The following FKBP9 variants were observed in gnomAD, a reference collection of about 807,000 sequenced individuals.
FKBP9 encodes the protein FKBP prolyl isomerase 9.
Under a neutral mutation model 55.6 loss-of-function variants are expected in FKBP9, and 27 were observed. That is an observed-to-expected ratio of 0.49 (90% CI 0.36 to 0.67). The LOEUF is 0.67. Among genes scored for constraint, FKBP9 ranks in the 30% least tolerant of loss-of-function variants. The pLI is 0.00. For synonymous variants in FKBP9, 267 were observed against 296.5 expected (o/e 0.90, Z 1.02); for missense variants, 539 against 742.8 (o/e 0.73, Z 3.19).
Position 33,005,988 on chromosome 7 carries a change from C to A in FKBP9, c.*637C>A, listed in dbSNP as rs1301952733. The A allele has an allele frequency of 2.6e-5, 6 of 230,798 alleles. No homozygotes were observed. Among genetic ancestry groups the A allele is most frequent in the Non-Finnish European group, 4.3e-5 (5 of 116,730 alleles). The allele number at this position is 230,798 out of a possible 1,614,324, so 14.3% of individuals were successfully genotyped here. ...GTGTATAACTTGGAGGTTAAAAGAG[C>A]CTTTTGGACAGAAAACTGGGCCAGG... is the stretch of plus-strand genomic sequence containing the variant. On this transcript the variant is annotated 3_prime_UTR_variant, in exon 10 of 10. Coordinates refer to ENST00000242209, the MANE Select transcript of FKBP9 (RefSeq NM_007270.5).
chr7:32,957,935 C>G (rs1783938125), intron 1 of FKBP9, 141 bp downstream of exon 1: 1 of 684,814 alleles, frequency 1.5e-6, no homozygotes, highest in Non-Finnish European at 2.2e-6. Flanking sequence ...CAGATCCTCC[C>G]GGACCCCAGA....
At chr7:32,988,462 G>A (rs768528117) in intron 5 of FKBP9, 45 bp from the exon 6 acceptor site, 63 of 1,607,478 alleles carry the variant, frequency 3.9e-5, no homozygotes, top group Non-Finnish European at 5.1e-5. Flanking sequence ...AGCTGCTGTG[G>A]AGGCCCTCAT....
rs141942176 is a variant in FKBP9 at position 32,973,299 on chromosome 7, T to C, written c.222-1318T>C. 3.7e-3 allele frequency among the ~76,000 whole-genome samples: 557 copies of C among 152,260 alleles called. 3 individuals carry two copies. Among genetic ancestry groups the C allele is most frequent in the African/African-American group, 0.012 (491 of 41,534 alleles). ...ACAGCCATGATTTCCTTATTTATCT[T>C]TTGATCTAAGGCTGTTGCCTATCAG... On this transcript the variant is annotated intron_variant, in intron 1 of 9. Transcript: ENST00000242209.
At position 33,005,367 on chromosome 7, in the gene FKBP9, G is replaced by C; in HGVS notation, c.*16G>C. 1 of 1,613,918 alleles carries C rather than the reference G, an allele frequency of 6.2e-7. No individual in the cohort carries two copies. Among genetic ancestry groups the C allele is most frequent in the Non-Finnish European group, 8.5e-7 (1 of 1,179,846 alleles). ...TGAACTCTAAACCTGGCATGAACCA[G>C]ATGGTGCCAGGGAGTACGTGACACC... On this transcript the variant is annotated 3_prime_UTR_variant, in exon 10 of 10. Transcript: ENST00000242209.
intron 1 of FKBP9, among the ~76,000 whole-genome samples, chr7:32,968,636 G>T (rs1784195198): frequency 6.6e-6 from 1 of 150,596 alleles, no homozygotes; most frequent in African/African-American, 2.4e-5. Flanking sequence ...GCAATGGTGT[G>T]ATCTTAGCTC....
At chr7:32,984,016 T>G (rs1367530556) in intron 5 of FKBP9, among the ~76,000 whole-genome samples, 1 of 152,220 alleles carries the variant, frequency 6.6e-6, no homozygotes, top group Admixed American at 6.5e-5. Flanking sequence ...TTGTTAATTT[T>G]GGTTATGTTG....
chr7:32,978,595 C>G (rs981215605), intron 4 of FKBP9, among the ~76,000 whole-genome samples: 3 of 151,972 alleles, frequency 2.0e-5, no homozygotes, highest in African/African-American at 7.3e-5. Context: ...TGGACTCAAG[C>G]GATCCTCCCA....
intron 1 of FKBP9, among the ~76,000 whole-genome samples, chr7:32,970,235 C>T (rs1478632629): frequency 1.3e-5 from 2 of 151,890 alleles, no homozygotes; most frequent in Non-Finnish European, 2.9e-5. Context: ...CTCGCTCTGT[C>T]GCCCAGACTG....
Position 32,974,675 on chromosome 7 carries a change from A to G in FKBP9, c.280A>G (p.Met94Val). Residue 94 changes from methionine (M) to valine (V), a missense_variant, in exon 2 of 10, where the codon ATG becomes GTG. Physicochemically the swap from Met to Val is conservative, Grantham distance 21. This residue lies in a region of FKBP9 where 236 missense variants were observed against 271.5 expected (regional missense o/e 0.87). Transcript: ENST00000242209. ...FVGKGQLITG[M>V]DQALVGMCVN... is the part of the protein sequence containing the mutation. The stretch of plus-strand genomic sequence containing the variant: ...GGGAAAAGGACAGCTGATCACAGGG[A>G]TGGACCAGGCTCTTGTTGGGATGTG... 1 of 1,613,932 alleles carries G rather than the reference A, an allele frequency of 6.2e-7. No homozygotes were observed. The highest frequency in any genetic ancestry group is 8.5e-7 in the Non-Finnish European group (1 of 1,179,824).
chr7:32,958,153 G>C (rs1037771730), intron 1 of FKBP9, among the ~76,000 whole-genome samples: 2 of 152,160 alleles, frequency 1.3e-5, no homozygotes, highest in Non-Finnish European at 2.9e-5. Context: ...GTGGATGTTC[G>C]TGCCTGCCTC....
intron 1 of FKBP9, among the ~76,000 whole-genome samples, chr7:32,966,170 G>C (rs1158046099): frequency 2.8e-5 from 3 of 108,626 alleles, no homozygotes; most frequent in Non-Finnish European, 5.7e-5. Flanking sequence ...TCCAGCCTTG[G>C]TGACAGTGAG....
chr7:32,967,349 A>T (rs1388692390), intron 1 of FKBP9, among the ~76,000 whole-genome samples: 2 of 152,366 alleles, frequency 1.3e-5, no homozygotes, highest in East Asian at 3.9e-4. Context: ...TGCAAAATTG[A>T]AACTTTGTGC....
chr7:32,968,293 A>G (rs1784186165), intron 1 of FKBP9, among the ~76,000 whole-genome samples: 1 of 152,230 alleles, frequency 6.6e-6, no homozygotes, highest in Non-Finnish European at 1.5e-5. Context: ...ACCTTGGATT[A>G]CAGGCATGAG....
At chr7:32,991,279 G>A (rs1215317549) in intron 6 of FKBP9, among the ~76,000 whole-genome samples, 2 of 152,066 alleles carry the variant, frequency 1.3e-5, no homozygotes, top group Admixed American at 6.5e-5. Context: ...CCGAAGGCTC[G>A]TAAATTTTCT....
Position 32,957,729 on chromosome 7 carries a change from C to T in FKBP9, c.156C>T (p.Arg52=). The T allele has an allele frequency of 6.6e-7, 1 of 1,524,194 alleles. No homozygotes were observed. 94.4% of individuals were successfully genotyped at this position (1,524,194 alleles called of 1,614,324 possible). Residue 52 remains arginine, a synonymous_variant, in exon 1 of 10, where the codon CGC becomes CGT. Transcript: ENST00000242209. ...FVPDECPRTV[R]SGDFVRYHYV... is the part of the protein sequence containing the mutation. ...CCGACGAGTGCCCGCGCACCGTGCG[C>T]AGCGGCGACTTCGTGCGCTACCACT...
chr7:32,968,253 C>G (rs1056257087), intron 1 of FKBP9, among the ~76,000 whole-genome samples: 16 of 152,206 alleles, frequency 1.1e-4, no homozygotes, highest in African/African-American at 3.9e-4. Flanking sequence ...GTTGCCTAGG[C>G]TGGTCTTGAA....
intron 1 of FKBP9, among the ~76,000 whole-genome samples, chr7:32,973,518 T>C (rs1784290634): frequency 1.3e-5 from 2 of 151,632 alleles, no homozygotes; most frequent in Admixed American, 6.6e-5. Flanking sequence ...TTTAAGTATG[T>C]TTTATGCTGT....
In FKBP9 at chr7:33,004,652, G is replaced by A. The variant is rs558412972; in HGVS notation, c.1537-523G>A. On this transcript the variant is annotated intron_variant, in intron 9 of 9. Coordinates refer to ENST00000242209, the MANE Select transcript of FKBP9 (RefSeq NM_007270.5). ...CTCCGCTTTTTGATTTTTTTCTGGA[G>A]CATTTCACTTTGTAACTTAATGTGT... is the stretch of plus-strand genomic sequence containing the variant. Among the ~76,000 whole-genome samples, 14 of 152,202 alleles carry A rather than the reference G, an allele frequency of 9.2e-5. No homozygotes were observed. In the South Asian group the frequency reaches 1.2e-3, roughly 14 times the overall value.
At chr7:32,991,076 C>T (rs1784672320) in intron 6 of FKBP9, among the ~76,000 whole-genome samples, 1 of 152,194 alleles carries the variant, frequency 6.6e-6, no homozygotes, top group South Asian at 2.1e-4. Context: ...TACTTCTAGT[C>T]AAATATAAAC....
Sources: allele counts gnomAD v4.1 joint callset (sites outside exome capture counted in the v4.1 genomes callset), GRCh38; gene constraint gnomAD v4.1.1; regional missense constraint gnomAD v4.1.1; transcripts MANE v1.5; gene names NCBI Gene and HGNC (gene_info 2026-07-23, HGNC 2026-07-21).